The following AMPD3 variants were observed in gnomAD, a reference collection of about 807,000 sequenced individuals.
AMPD3 encodes adenosine monophosphate deaminase 3, also known as AMP deaminase 3.
In AMPD3, 57 loss-of-function variants were observed where a neutral mutation model predicts 82.3. The observed-to-expected ratio is 0.69, with a 90% CI of 0.56 to 0.86. The LOEUF (loss-of-function observed/expected upper bound fraction) is 0.86. AMPD3 is among the 40% of genes least tolerant of loss of function. AMPD3 has a pLI of 0.00. For missense variants in AMPD3, 870 were observed against 1,003.8 expected, an observed-to-expected ratio of 0.87 and a Z score of 1.80; for synonymous variants, 381 against 394.7, an observed-to-expected ratio of 0.97 and a Z score of 0.41.
At chr11:10,452,053 C>A (rs1297413813), upstream of AMPD3, among the ~76,000 whole-genome samples, 2 of 152,174 alleles carry the variant, frequency 1.3e-5, no homozygotes, top group Non-Finnish European at 2.9e-5. Flanking sequence ...AATAATGACA[C>A]CTGCATAGGT....
chr11:10,478,881 T>G, intron 3 of AMPD3, 151 bp downstream of exon 3: 1 of 906,552 alleles, frequency 1.1e-6, no homozygotes, highest in Non-Finnish European at 1.7e-6. Context: ...AGGAGGGCCC[T>G]AGCAGAGGTT....
In AMPD3 at chr11:10,483,222, G is replaced by A. The variant is rs573326968; in HGVS notation, c.589+997G>A. On this transcript the variant is annotated intron_variant, in intron 4 of 14. Transcript: ENST00000396553. Reference sequence around the variant, plus strand: ...GAGGGCTAGGTGGTTTCCTCATGAAGCCTTGCCATGAAGAACCTAGGAGCA... The same window carrying A: ...GAGGGCTAGGTGGTTTCCTCATGAAACCTTGCCATGAAGAACCTAGGAGCA... Among the ~76,000 whole-genome samples, 157 of 152,248 alleles carry A rather than the reference G, an allele frequency of 1.0e-3. 1 individual carries two copies. The highest frequency in any genetic ancestry group is 4.1e-3 in the Admixed American group (63 of 15,282).
chr11:10,495,726 C>A lies in AMPD3; in HGVS notation c.1423C>A (p.Arg475=), dbSNP rs138513318. ...CATGCGCTGGATCATCCAGGTGCCC[C>A]GGATTTAGTAAGTGAGGTGGCCCGC... is the stretch of plus-strand genomic sequence containing the variant. The part of the protein sequence containing the change: ...PNMRWIIQVP[R]IYDIFRSKKL... Residue 475 remains arginine (R), a synonymous_variant, in exon 9 of 15, where the codon CGG becomes AGG. Transcript: ENST00000396553. The A allele has an allele frequency of 4.3e-6, 7 of 1,613,966 alleles. No individual in the cohort carries two copies. Among genetic ancestry groups the A allele is most frequent in the Admixed American group, 1.7e-5 (1 of 60,004 alleles).
chr11:10,461,314 TA>T, intron 1 of AMPD3, 200 bp from the exon 2 acceptor site: 1 of 1,566,608 alleles, frequency 6.4e-7, no homozygotes, highest in Admixed American at 1.7e-5. Flanking sequence ...TCCTGACACC[TA>T]AGTGGCCCTA....
chr11:10,470,586 C>A (rs150776401), intron 2 of AMPD3, among the ~76,000 whole-genome samples: 213 of 152,322 alleles, frequency 1.4e-3, no homozygotes, highest in Non-Finnish European at 2.1e-3. Flanking sequence ...AGCCCCAAAT[C>A]TCCTTAAGCT....
At chr11:10,487,042 C>G in intron 5 of AMPD3, 193 bp from the exon 6 acceptor site, 1 of 976,776 alleles carries the variant, frequency 1.0e-6, no homozygotes, top group Non-Finnish European at 1.2e-6. Flanking sequence ...TCCTGACTCT[C>G]CACTGACTTT....
chr11:10,473,978 C>A (rs927985266), intron 2 of AMPD3, among the ~76,000 whole-genome samples: 6 of 152,076 alleles, frequency 3.9e-5, no homozygotes, highest in African/African-American at 1.4e-4. Context: ...GCTGAGTGTG[C>A]GTGGGGGAGG....
chr11:10,463,205 T>C (rs771547678), intron 2 of AMPD3, among the ~76,000 whole-genome samples: 2 of 152,136 alleles, frequency 1.3e-5, no homozygotes, highest in Non-Finnish European at 2.9e-5. Context: ...CCTTTCTTGG[T>C]TGTGTAGAAG....
At position 10,494,799 on chromosome 11, in the gene AMPD3, G is replaced by A. The variant is rs75946637; in HGVS notation, c.1135-100G>A. 5,612 of 1,583,054 alleles carry A rather than the reference G, an allele frequency of 3.5e-3. 148 individuals carry two copies. In the African/African-American group the frequency reaches 0.064, roughly 18 times the overall value. On this transcript the variant is annotated intron_variant, in intron 7 of 14. Coordinates refer to ENST00000396553, the MANE Select transcript of AMPD3 (RefSeq NM_001025389.2). ...AGAATTGACATAGAAGATGTCTTTCGGTGTGGCCATACAGAAGGCCGCCTC... is the reference window on the plus strand; with the variant it reads ...AGAATTGACATAGAAGATGTCTTTCAGTGTGGCCATACAGAAGGCCGCCTC...
chr11:10,505,961 A>C lies in AMPD3; in HGVS notation c.*77A>C. On this transcript the variant is annotated 3_prime_UTR_variant, in exon 15 of 15. Coordinates refer to ENST00000396553, the MANE Select transcript of AMPD3 (RefSeq NM_001025389.2). ...GTGGCTAATAGTGGTCAAGATTCCG[A>C]ACTAGGACTTTCCTCTGTGAAGAGG... 2 of 1,551,030 alleles carry C rather than the reference A, an allele frequency of 1.3e-6. No homozygotes were observed. The highest frequency in any genetic ancestry group is 1.8e-6 in the Non-Finnish European group (2 of 1,128,418).
intron 2 of AMPD3, among the ~76,000 whole-genome samples, chr11:10,475,465 C>G (rs996993171): frequency 6.6e-6 from 1 of 152,160 alleles, no homozygotes; most frequent in Non-Finnish European, 1.5e-5. Context: ...AGCTCCAACC[C>G]TCTACCTTTA....
Position 10,471,499 on chromosome 11 carries a change from C to G in AMPD3, c.222-7027C>G, listed in dbSNP as rs147895371. 7.0e-3 allele frequency among the ~76,000 whole-genome samples: 1,066 copies of G among 152,280 alleles called. 22 individuals carry two copies. The highest frequency in any genetic ancestry group is 8.3e-3 in the Non-Finnish European group (567 of 68,024). ...GCTTCTGCACAGCAAAAGAAACTAC[C>G]ATCAGAGTGAATAGGCAACCTTCAG... On this transcript the variant is annotated intron_variant, in intron 2 of 14. Transcript: ENST00000396553.
At chr11:10,476,285 G>T (rs1286106353) in intron 2 of AMPD3, among the ~76,000 whole-genome samples, 4 of 152,152 alleles carry the variant, frequency 2.6e-5, no homozygotes, top group Non-Finnish European at 4.4e-5. Context: ...ATGCTCATAT[G>T]TGACAATCTG....
intron 1 of AMPD3, among the ~76,000 whole-genome samples, chr11:10,457,670 G>A (rs532444075): frequency 1.6e-4 from 24 of 152,240 alleles, no homozygotes; most frequent in Middle Eastern, 3.4e-3. Flanking sequence ...CAAGGCAGGC[G>A]GATCACTTGA....
chr11:10,493,210 G>A (rs1448455439), intron 6 of AMPD3, 139 bp from the exon 7 acceptor site: 4 of 952,278 alleles, frequency 4.2e-6, no homozygotes, highest in Admixed American at 3.4e-5. Flanking sequence ...GAAATGGGGG[G>A]TGGGATCCAG....
chr11:10,494,968 C>A lies in AMPD3; in HGVS notation c.1204C>A (p.Arg402Ser). Residue 402 changes from arginine to serine, a missense_variant, in exon 8 of 15, where the codon CGT (arginine) becomes AGT (serine). Transcript: ENST00000396553. ...CAACCCTGTGGGGGCCAGTGAGCTG[C>A]GTGACCTGTATTTGAAAACTGAAAA... is the stretch of plus-strand genomic sequence containing the variant. ...KYNPVGASELRDLYLKTENYL... is the reference protein window; with the variant it reads ...KYNPVGASELSDLYLKTENYL... The A allele has an allele frequency of 6.2e-7, 1 of 1,614,220 alleles. No homozygotes were observed. The highest frequency in any genetic ancestry group is 1.1e-5 in the South Asian group (1 of 91,078).
chr11:10,495,423 G>T (rs916922370), intron 8 of AMPD3, 147 bp from the exon 9 acceptor site: 1 of 1,526,388 alleles, frequency 6.6e-7, no homozygotes, highest in East Asian at 2.4e-5. Flanking sequence ...GCTTACAGGA[G>T]CAGGCAGCCC....
chr11:10,454,461 G>T (rs1447170890), upstream of AMPD3, among the ~76,000 whole-genome samples: 1 of 152,170 alleles, frequency 6.6e-6, no homozygotes, highest in Non-Finnish European at 1.5e-5. Flanking sequence ...TTCTAGGATG[G>T]TCAAATAAGT....
At chr11:10,480,583 T>C (rs1197779415) in intron 3 of AMPD3, among the ~76,000 whole-genome samples, 1 of 152,114 alleles carries the variant, frequency 6.6e-6, no homozygotes, top group East Asian at 1.9e-4. Context: ...ATAGGAAAAA[T>C]ATATTCAGAC....
Sources: allele counts gnomAD v4.1 joint callset (sites outside exome capture counted in the v4.1 genomes callset), GRCh38; gene constraint gnomAD v4.1.1; transcripts MANE v1.5; gene names NCBI Gene and HGNC (gene_info 2026-07-23, HGNC 2026-07-21).